CACNA1C: variants seen among roughly 807,000 people sequenced by gnomAD.
CACNA1C encodes the protein calcium voltage-gated channel subunit alpha1 C.
CACNA1C carries 30 observed loss-of-function variants against 229.0 expected under a neutral mutation model. That is an observed-to-expected ratio of 0.13 (90% CI 0.10 to 0.18). CACNA1C has a LOEUF of 0.18. Ranked by LOEUF, CACNA1C falls within the 10% of genes least tolerant of loss-of-function variation. The probability of loss-of-function intolerance (pLI) is 1.00; values close to 1 mark genes in which losing one functional copy is unlikely to be tolerated. For missense variants in CACNA1C, 1,658 were observed against 2,845.0 expected (o/e 0.58, Z 9.49); for synonymous variants, 1,114 against 1,132.5 (o/e 0.98, Z 0.33).
At position 2,601,941 on chromosome 12, in the gene CACNA1C, C is replaced by T; in HGVS notation, c.2941C>T (p.Leu981Phe). 1 of 1,611,746 alleles carries T rather than the reference C, an allele frequency of 6.2e-7. No homozygotes were observed. Among genetic ancestry groups the T allele is most frequent in the Non-Finnish European group, 8.5e-7 (1 of 1,177,824 alleles). Residue 981 changes from leucine (L) to phenylalanine (F), a missense_variant, in exon 22 of 47, where the codon CTC becomes TTC. By Grantham distance (22) the Leu-to-Phe change is conservative (BLOSUM62 0). Transcript: ENST00000399655. This position sits in a 1 kb window ranked among gnomAD's most constrained non-coding sequence, Gnocchi z 5.9. ...GGACCTGCTGGTGGTCAGCGTGTCC[C>T]TCATCTCCTTTGGCATCCAGTGAGT... ...ILDLLVVSVS[L>F]ISFGIQSSAI... is the part of the protein sequence containing the mutation.
chr12:2,639,180 C>T lies in CACNA1C; in HGVS notation c.3912+4800C>T, dbSNP rs2093323027. On this transcript the variant is annotated intron_variant, in intron 30 of 46. Transcript: ENST00000399655. This position sits in a 1 kb window ranked among gnomAD's most constrained non-coding sequence, Gnocchi z 4.2. ...CGGCCCTTCTCCTGCCAATGCATCACCTGGGTCTAAATCCGAGCTTTTCTT... is the reference window on the plus strand; with the variant it reads ...CGGCCCTTCTCCTGCCAATGCATCATCTGGGTCTAAATCCGAGCTTTTCTT... Among the ~76,000 whole-genome samples the T allele has an allele frequency of 1.3e-5, 2 of 152,230 alleles. No homozygotes were observed. Among genetic ancestry groups the T allele is most frequent in the Admixed American group, 1.3e-4 (2 of 15,292 alleles).
At chr12:2,063,619 G>T (rs895363496) in intron 1 of CACNA1C, among the ~76,000 whole-genome samples, 3 of 152,204 alleles carry the variant, frequency 2.0e-5, no homozygotes, top group Non-Finnish European at 4.4e-5. Flanking sequence ...GTGGGATTAA[G>T]CGTTTTCTTT....
At chr12:2,505,404 T>G (rs2099769360) in intron 8 of CACNA1C, among the ~76,000 whole-genome samples, 1 of 152,200 alleles carries the variant, frequency 6.6e-6, no homozygotes, top group Non-Finnish European at 1.5e-5. Context: ...ATATATTATT[T>G]AAGAATAGAG....
chr12:2,310,163 C>T (rs1376422170), intron 3 of CACNA1C, among the ~76,000 whole-genome samples: 1 of 152,064 alleles, frequency 6.6e-6, no homozygotes, highest in Non-Finnish European at 1.5e-5. Context: ...ACAACCCCAT[C>T]AGATAAGTAG....
chr12:2,345,999 G>T (rs1276319974), intron 3 of CACNA1C, among the ~76,000 whole-genome samples: 1 of 152,174 alleles, frequency 6.6e-6, no homozygotes, highest in East Asian at 1.9e-4. Flanking sequence ...GCCCGGGCTT[G>T]GTCTGTGAAG....
chr12:2,012,558 A>T (rs11062068), intron 1 of CACNA1C, among the ~76,000 whole-genome samples: 22,343 of 152,176 alleles, frequency 0.15, 1,803 homozygotes, highest in East Asian at 0.21. Flanking sequence ...TATACTGAGG[A>T]CTCTCTACAT....
chr12:2,292,921 AT>A (rs2154459049), intron 3 of CACNA1C, among the ~76,000 whole-genome samples: 1 of 150,100 alleles, frequency 6.7e-6, no homozygotes, highest in Non-Finnish European at 1.5e-5. Flanking sequence ...GCTTTCCGTA[AT>A]TGCGTCCTTT....
chr12:2,411,376 G>C (rs55795327), intron 3 of CACNA1C, among the ~76,000 whole-genome samples: 589 of 152,278 alleles, frequency 3.9e-3, no homozygotes, highest in Non-Finnish European at 6.8e-3. Context: ...TAGAATTAGG[G>C]AGTGAGGGGC....
At chr12:2,636,024 G>A (rs755400275) in intron 30 of CACNA1C, among the ~76,000 whole-genome samples, 1 of 152,236 alleles carries the variant, frequency 6.6e-6, no homozygotes, top group Non-Finnish European at 1.5e-5. Context: ...CCAAGTTGCT[G>A]TTCCCACTCA....
chr12:2,623,071 G>A (rs1330529191), intron 29 of CACNA1C, among the ~76,000 whole-genome samples: 1 of 152,134 alleles, frequency 6.6e-6, no homozygotes, highest in African/African-American at 2.4e-5. Flanking sequence ...GGCCTTCGTC[G>A]TTCACTGCTC....
chr12:2,004,373 G>C (rs368006315), intron 1 of CACNA1C: 3 of 1,613,008 alleles, frequency 1.9e-6, no homozygotes, highest in Non-Finnish European at 2.5e-6. Flanking sequence ...GCGCTGCAGG[G>C]CCGCTAGGCT....
At chr12:2,520,059 G>A (rs2099806575) in intron 9 of CACNA1C, among the ~76,000 whole-genome samples, 1 of 152,256 alleles carries the variant, frequency 6.6e-6, no homozygotes, top group African/African-American at 2.4e-5. Context: ...GGCTTGCTAG[G>A]TTAAGCTGTT....
At chr12:2,342,326 A>G (rs1422330703) in intron 3 of CACNA1C, among the ~76,000 whole-genome samples, 1 of 152,190 alleles carries the variant, frequency 6.6e-6, no homozygotes, top group Non-Finnish European at 1.5e-5. Context: ...CTTATAATAT[A>G]AAGGGAGTTA....
At chr12:2,262,323 A>C (rs1314786838) in intron 3 of CACNA1C, among the ~76,000 whole-genome samples, 1 of 152,236 alleles carries the variant, frequency 6.6e-6, no homozygotes. Context: ...CTGTGTTGGC[A>C]TGTAATTTGG....
chr12:2,486,342 A>C lies in CACNA1C; in HGVS notation c.916+80A>C. ...ACCTTTCCCGCTGCTGGCTACACCA[A>C]CATGACCAGCAGAGCCCAGGGAAGG... On this transcript the variant is annotated intron_variant, in intron 6 of 46. Transcript: ENST00000399655. The surrounding 1 kb of genome is among the most constrained non-coding windows in gnomAD (Gnocchi z 4.9). The C allele has an allele frequency of 1.6e-6, 2 of 1,238,298 alleles. No individual in the cohort carries two copies. Among genetic ancestry groups the C allele is most frequent in the Non-Finnish European group, 1.1e-6 (1 of 878,550 alleles). The allele number at this position is 1,238,298 out of a possible 1,614,324, so 76.7% of individuals were successfully genotyped here.
intron 3 of CACNA1C, among the ~76,000 whole-genome samples, chr12:2,446,364 GTGGGTGGA>G (rs2099279917): frequency 7.0e-6 from 1 of 143,460 alleles, no homozygotes; most frequent in Non-Finnish European, 1.5e-5. Flanking sequence ...ATGTGTGTGG[GTGGGTGGA>G]TGGATGGATG....
chr12:2,372,221 G>T (rs1594463487), intron 3 of CACNA1C, among the ~76,000 whole-genome samples: 1 of 152,154 alleles, frequency 6.6e-6, no homozygotes, highest in African/African-American at 2.4e-5. Context: ...CACAATTCCC[G>T]TCGTCATCTC....
intron 3 of CACNA1C, among the ~76,000 whole-genome samples, chr12:2,243,937 A>C (rs2071798807): frequency 6.6e-6 from 1 of 152,202 alleles, no homozygotes; most frequent in Non-Finnish European, 1.5e-5. Flanking sequence ...AGGTGCACAT[A>C]AGGGAAATGG....
chr12:2,408,717 T>A (rs2098767833), intron 3 of CACNA1C, among the ~76,000 whole-genome samples: 1 of 152,182 alleles, frequency 6.6e-6, no homozygotes, highest in Admixed American at 6.5e-5. Flanking sequence ...AGCAGAAGTC[T>A]CCAGGCCACT....
Sources: allele counts gnomAD v4.1 joint callset (sites outside exome capture counted in the v4.1 genomes callset), GRCh38; gene constraint gnomAD v4.1.1; non-coding constraint Gnocchi (gnomAD v3.1); transcripts MANE v1.5; gene names NCBI Gene and HGNC (gene_info 2026-07-23, HGNC 2026-07-21).